BLTP3A: variants seen among roughly 807,000 people sequenced by gnomAD.
The protein encoded by BLTP3A is ICBP90 binding protein 1.
At chr6:34,835,430 A>G in the BLTP3A span, 3 of 1,614,126 alleles carry the variant, frequency 1.9e-6, no homozygotes, top group South Asian at 1.1e-5. Flanking sequence ...AAGTCAGCCC[A>G]TCAAAGAAAG....
chr6:34,875,213 G>A, the BLTP3A span: 1 of 152,596 alleles, frequency 6.6e-6, no homozygotes, highest in African/African-American at 2.4e-5. Flanking sequence ...GGGCTACTTG[G>A]TAATATACAA....
chr6:34,859,637 A>AG, the BLTP3A span: 1 of 1,580,278 alleles, frequency 6.3e-7, no homozygotes, highest in Admixed American at 1.7e-5. Flanking sequence ...ATTGGGTTTA[A>AG]GGCCTCTTAC....
the BLTP3A span, among the ~76,000 whole-genome samples, chr6:34,848,647 A>G: frequency 1.3e-5 from 2 of 148,634 alleles, no homozygotes; most frequent in Admixed American, 1.3e-4. Context: ...CTCTTTTTTT[A>G]GTTTTAATTT....
the BLTP3A span, among the ~76,000 whole-genome samples, chr6:34,812,470 T>A: frequency 6.6e-6 from 1 of 152,128 alleles, no homozygotes; most frequent in African/African-American, 2.4e-5. Flanking sequence ...TGTAATATTG[T>A]CATGCAGTTT....
At chr6:34,797,694 T>C in the BLTP3A span, among the ~76,000 whole-genome samples, 1 of 152,244 alleles carries the variant, frequency 6.6e-6, no homozygotes, top group South Asian at 2.1e-4. Flanking sequence ...CTTGTGTTGC[T>C]TCAGAATAAA....
the BLTP3A span, among the ~76,000 whole-genome samples, chr6:34,814,417 A>G: frequency 7.8e-6 from 1 of 128,512 alleles, no homozygotes; most frequent in African/African-American, 3.8e-5. Context: ...TGAATAAGGC[A>G]GTATCCATTT....
chr6:34,810,454 G>T, the BLTP3A span, among the ~76,000 whole-genome samples: 1 of 152,148 alleles, frequency 6.6e-6, no homozygotes, highest in Non-Finnish European at 1.5e-5. Context: ...GCAGTATAGC[G>T]TGTACTACAG....
chr6:34,867,098 A>C, the BLTP3A span: 7 of 1,067,886 alleles, frequency 6.6e-6, no homozygotes, highest in Non-Finnish European at 9.0e-6. Context: ...TTAGTCCTCA[A>C]ATTTCTAGTT....
the BLTP3A span, among the ~76,000 whole-genome samples, chr6:34,850,269 C>G: frequency 2.6e-5 from 4 of 152,126 alleles, no homozygotes; most frequent in South Asian, 8.3e-4. Flanking sequence ...TTTTCTCTTG[C>G]AGCTTTTAGG....
At chr6:34,864,891 C>T in the BLTP3A span, among the ~76,000 whole-genome samples, 16 of 152,028 alleles carry the variant, frequency 1.1e-4, no homozygotes, top group East Asian at 1.9e-4. Flanking sequence ...TTGTTTGAAC[C>T]GGGGAGGTGG....
At chr6:34,805,741 A>G in the BLTP3A span, among the ~76,000 whole-genome samples, 1 of 149,754 alleles carries the variant, frequency 6.7e-6, no homozygotes, top group Non-Finnish European at 1.5e-5. Context: ...ATCTCAAAAA[A>G]AAAAAAAAAA....
At chr6:34,792,180 G>T in the BLTP3A span, 1 of 1,401,172 alleles carries the variant, frequency 7.1e-7, no homozygotes. Context: ...TGAGGGGACC[G>T]CCTCTTCTCC....
the BLTP3A span, chr6:34,876,127 C>T: frequency 6.5e-6 from 1 of 152,732 alleles, no homozygotes; most frequent in South Asian, 2.1e-4. Context: ...AACTGGGCTG[C>T]AAGGATGGCT....
chr6:34,838,301 A>G, the BLTP3A span, among the ~76,000 whole-genome samples: 1 of 152,144 alleles, frequency 6.6e-6, no homozygotes, highest in Non-Finnish European at 1.5e-5. Flanking sequence ...TAAAACAAAC[A>G]CCCAAAGAGA....
chr6:34,803,705 A>T, the BLTP3A span, among the ~76,000 whole-genome samples: 1 of 152,168 alleles, frequency 6.6e-6, no homozygotes, highest in African/African-American at 2.4e-5. Flanking sequence ...TTTTTCCAAA[A>T]TGATTTCTGT....
At chr6:34,837,259 T>C in the BLTP3A span, among the ~76,000 whole-genome samples, 2 of 152,196 alleles carry the variant, frequency 1.3e-5, no homozygotes, top group African/African-American at 2.4e-5. Flanking sequence ...CTAGATTCAC[T>C]GGCCAGGCAC....
chr6:34,795,818 A>G, the BLTP3A span, among the ~76,000 whole-genome samples: 1 of 152,186 alleles, frequency 6.6e-6, no homozygotes, highest in Admixed American at 6.5e-5. Flanking sequence ...ACATTGGGGA[A>G]AATTTCTGAT....
the BLTP3A span, chr6:34,836,303 C>T: frequency 3.1e-6 from 5 of 1,614,056 alleles, no homozygotes; most frequent in African/African-American, 2.7e-5. Context: ...GCTCATCTCC[C>T]GCCTGGACCT....
At chr6:34,855,643 G>A in the BLTP3A span, 2 of 1,613,642 alleles carry the variant, frequency 1.2e-6, no homozygotes, top group African/African-American at 2.7e-5. Flanking sequence ...ACTCATGGGT[G>A]GTGCCATGCA....
Sources: gnomAD v4.1 joint callset for allele counts (sites outside exome capture counted in the v4.1 genomes callset) on GRCh38, gnomAD v4.1.1 for gene constraint, MANE v1.5 for transcripts, NCBI Gene and HGNC (gene_info 2026-07-23, HGNC 2026-07-21) for gene names.